Variants in GRK5 observed in about 807,000 individuals in gnomAD.
GRK5 encodes g protein-coupled receptor kinase GRK5.
GRK5 carries 40 observed loss-of-function variants against 78.4 expected under a neutral mutation model. That is an observed-to-expected ratio of 0.51 (90% CI 0.40 to 0.66). The LOEUF is 0.66. Ranked by LOEUF, GRK5 falls within the 30% of genes least tolerant of loss-of-function variation. The pLI is 0.00. For synonymous variants in GRK5, 289 were observed against 296.8 expected (o/e 0.97, Z 0.27); for missense variants, 598 against 759.9 (o/e 0.79, Z 2.50).
At position 119,457,334 on chromosome 10, in the gene GRK5, GCAGTAGAGAATC is replaced by G. The variant is rs1173265872; in HGVS notation, c.*2269_*2280del. On this transcript the variant is annotated 3_prime_UTR_variant, in exon 16 of 16. Coordinates refer to ENST00000392870, the MANE Select transcript of GRK5 (RefSeq NM_005308.3). ...CTGAAAGGCAATGCCCTGTCCGTTT[GCAGTAGAGAATC>G]CCCAGGGAGCAAGAAAGATGACAGA... is the stretch of plus-strand genomic sequence containing the variant. 1 of 152,168 alleles carries G rather than the reference GCAGTAGAGAATC, an allele frequency of 6.6e-6. No individual in the cohort carries two copies. Among genetic ancestry groups the G allele is most frequent in the East Asian group, 1.9e-4 (1 of 5,188 alleles). The allele number at this position is 152,168 out of a possible 1,614,324, so 9.4% of individuals were successfully genotyped here. A position where few individuals can be genotyped will look rare whatever the true frequency, so the allele number is the denominator to read the frequency against.
chr10:119,448,934 G>A (rs142052120), intron 13 of GRK5, among the ~76,000 whole-genome samples: 60 of 152,332 alleles, frequency 3.9e-4, no homozygotes, highest in African/African-American at 1.3e-3. Context: ...TGATCTGTGC[G>A]GGATACGTGC....
At chr10:119,437,043 C>T (rs1248563067) in intron 9 of GRK5, among the ~76,000 whole-genome samples, 1 of 152,202 alleles carries the variant, frequency 6.6e-6, no homozygotes, top group Non-Finnish European at 1.5e-5. Flanking sequence ...CACCCTCTGG[C>T]CAGTGTTCTC....
intron 2 of GRK5, among the ~76,000 whole-genome samples, chr10:119,360,203 C>G (rs945330217): frequency 3.9e-5 from 6 of 152,168 alleles, no homozygotes; most frequent in Non-Finnish European, 8.8e-5. Context: ...GGACTCTGCT[C>G]TTTGGGTAGA....
intron 1 of GRK5, among the ~76,000 whole-genome samples, chr10:119,256,602 G>T (rs1849290511): frequency 7.0e-6 from 1 of 143,522 alleles, no homozygotes; most frequent in South Asian, 2.2e-4. Context: ...CACCTCTATC[G>T]CACCCCACCC....
chr10:119,439,559 A>G (rs1411073600), intron 9 of GRK5, among the ~76,000 whole-genome samples, 172 bp from the exon 10 acceptor site: 1 of 152,240 alleles, frequency 6.6e-6, no homozygotes, highest in African/African-American at 2.4e-5. Context: ...TGGAAGGAGA[A>G]AAATTAGCTG....
chr10:119,259,190 G>A (rs1589706765), intron 1 of GRK5, among the ~76,000 whole-genome samples: 1 of 150,634 alleles, frequency 6.6e-6, no homozygotes, highest in East Asian at 2.0e-4. Context: ...TCAGCCTCCC[G>A]AGTAGCTGGG....
rs528480929 is a variant in GRK5 at position 119,429,817 on chromosome 10, C to A, written c.534-558C>A. On this transcript the variant is annotated intron_variant, in intron 6 of 15. Transcript: ENST00000392870. ...TTTGAAGACCAGCAGCCTCTGCCCC[C>A]TCCTGAGGCCGGGTCTTCTGGGCCA... Among the ~76,000 whole-genome samples, 3 of 152,250 alleles carry A rather than the reference C, an allele frequency of 2.0e-5. No individual in the cohort carries two copies. The East Asian group carries it at 5.8e-4, about 29-fold the overall frequency.
intron 1 of GRK5, among the ~76,000 whole-genome samples, chr10:119,310,902 T>C (rs952650111): frequency 5.9e-5 from 9 of 151,878 alleles, no homozygotes; most frequent in Non-Finnish European, 1.0e-4. Flanking sequence ...GACAGAAGAG[T>C]CAGCAGCCCA....
At chr10:119,344,213 G>A (rs1050336288) in intron 2 of GRK5, among the ~76,000 whole-genome samples, 3 of 151,162 alleles carry the variant, frequency 2.0e-5, no homozygotes, top group African/African-American at 7.3e-5. Flanking sequence ...AAGTTCTAGG[G>A]TACATGTGCA....
At chr10:119,393,322 C>T (rs1851917607) in intron 3 of GRK5, among the ~76,000 whole-genome samples, 1 of 152,224 alleles carries the variant, frequency 6.6e-6, no homozygotes, top group Non-Finnish European at 1.5e-5. Flanking sequence ...GCGTGCCCAT[C>T]CACCGGCGGG....
chr10:119,373,554 T>A (rs1851579797), intron 2 of GRK5, among the ~76,000 whole-genome samples: 1 of 152,220 alleles, frequency 6.6e-6, no homozygotes, highest in African/African-American at 2.4e-5. Flanking sequence ...CCCAGTCACG[T>A]GGAACTGTGA....
intron 1 of GRK5, among the ~76,000 whole-genome samples, chr10:119,323,346 T>C (rs896764193): frequency 1.3e-5 from 2 of 152,244 alleles, no homozygotes; most frequent in Non-Finnish European, 2.9e-5. Context: ...TGGTGCTTCA[T>C]GCCTGCCAGG....
chr10:119,332,307 A>G (rs11198884), intron 2 of GRK5, among the ~76,000 whole-genome samples: 10,630 of 152,014 alleles, frequency 0.07, 961 homozygotes, highest in African/African-American at 0.21. Flanking sequence ...GGATTTTGCC[A>G]TGTTGCCCAG....
At chr10:119,246,896 G>A (rs886112634) in intron 1 of GRK5, among the ~76,000 whole-genome samples, 2 of 152,146 alleles carry the variant, frequency 1.3e-5, no homozygotes, top group African/African-American at 2.4e-5. Flanking sequence ...TTGCATTTCC[G>A]CACCTTCAGA....
chr10:119,290,346 CAAAAAAA>C (rs1220792004), intron 1 of GRK5, among the ~76,000 whole-genome samples: 1 of 40,006 alleles, frequency 2.5e-5, no homozygotes, highest in Non-Finnish European at 4.8e-5. Flanking sequence ...GATTCCGTCT[CAAAAAAA>C]AAAAAAAAAA....
chr10:119,338,908 T>G (rs758987245), intron 2 of GRK5, among the ~76,000 whole-genome samples: 3 of 152,280 alleles, frequency 2.0e-5, no homozygotes, highest in Non-Finnish European at 4.4e-5. Context: ...ACCTAGTTTT[T>G]GCCATTACAA....
intron 2 of GRK5, among the ~76,000 whole-genome samples, chr10:119,344,479 G>A (rs896138358): frequency 6.6e-6 from 1 of 152,236 alleles, no homozygotes; most frequent in East Asian, 1.9e-4. Flanking sequence ...TCTTTGTGAC[G>A]CCCGGTCGCA....
Position 119,442,067 on chromosome 10 carries a change from G to A in GRK5, c.1036G>A (p.Val346Met), listed in dbSNP as rs1853047352. 1.2e-6 allele frequency: 2 copies of A among 1,613,874 alleles called. No homozygotes were observed. The highest frequency in any genetic ancestry group is 1.7e-6 in the Non-Finnish European group (2 of 1,179,920). The change falls in exon 11 of 16, where the codon GTG becomes ATG. Residue 346 changes from valine (V) to methionine (M), a missense_variant. Coordinates refer to ENST00000392870, the MANE Select transcript of GRK5 (RefSeq NM_005308.3). ...CGAGGGAGACCTGATCCGCGGCCGGGTGGGCACTGTTGGCTACATGGGTGA... is the reference window on the plus strand; with the variant it reads ...CGAGGGAGACCTGATCCGCGGCCGGATGGGCACTGTTGGCTACATGGGTGA... ...IPEGDLIRGR[V>M]GTVGYMAPEV...
chr10:119,310,569 T>C (rs1392102491), intron 1 of GRK5, among the ~76,000 whole-genome samples: 3 of 152,236 alleles, frequency 2.0e-5, no homozygotes, highest in Non-Finnish European at 4.4e-5. Context: ...ACTTTTTTTT[T>C]CCAGTTCTGC....
Sources: allele counts gnomAD v4.1 joint callset (sites outside exome capture counted in the v4.1 genomes callset), GRCh38; gene constraint gnomAD v4.1.1; transcripts MANE v1.5; gene names NCBI Gene and HGNC (gene_info 2026-07-23, HGNC 2026-07-21).